The following METTL21C variants were observed in gnomAD, a reference collection of about 807,000 sequenced individuals.
METTL21C encodes the protein protein-lysine methyltransferase METTL21C.
METTL21C carries 21 observed loss-of-function variants against 25.9 expected under a neutral mutation model. That is an observed-to-expected ratio of 0.81 (90% CI 0.58 to 1.17). The LOEUF is 1.17. Among genes scored for constraint, METTL21C ranks in the 50% most tolerant of loss-of-function variants. The probability of loss-of-function intolerance (pLI) is 0.00; values close to 1 mark genes in which losing one functional copy is unlikely to be tolerated. For missense variants in METTL21C, 312 were observed against 315.1 expected (o/e 0.99, Z 0.07); for synonymous variants, 125 against 124.7 (o/e 1.00, Z -0.01).
chr13:102,688,909 C>G (rs1354048037), intron 2 of METTL21C, among the ~76,000 whole-genome samples: 6 of 152,114 alleles, frequency 3.9e-5, no homozygotes, highest in African/African-American at 1.2e-4. Flanking sequence ...CTGAAGAGAT[C>G]TTTTCACAGA....
intron 2 of METTL21C, among the ~76,000 whole-genome samples, chr13:102,689,911 C>A (rs1329624467): frequency 6.6e-6 from 1 of 152,218 alleles, no homozygotes; most frequent in South Asian, 2.1e-4. Flanking sequence ...GTAGACATTA[C>A]GACCACCCTA....
upstream of METTL21C, among the ~76,000 whole-genome samples, chr13:102,695,980 A>T (rs1287978853): frequency 6.6e-6 from 1 of 152,248 alleles, no homozygotes; most frequent in Non-Finnish European, 1.5e-5. Context: ...TCATTCTACA[A>T]GCTTTAAAAT....
In METTL21C at chr13:102,686,145, G is replaced by C. The variant is rs1293501117; in HGVS notation, c.681C>G (p.Phe227Leu). ...TATCTAAAAATTCATAGTCGGTGCT[G>C]AACCTGAATTTGTTTGCCCAAAGCA... ...TVLLWANKFR[F>L]STDYEFLDKF... Residue 227 changes from phenylalanine (F) to leucine (L), a missense_variant, in exon 4 of 4, where the codon TTC (phenylalanine) becomes TTG (leucine). Transcript: ENST00000267273. 4.3e-6 allele frequency: 7 copies of C among 1,614,104 alleles called. No homozygotes were observed. The East Asian group carries it at 1.6e-4, about 36-fold the overall frequency.
At chr13:102,692,451 G>C (rs1885855841) in intron 1 of METTL21C, among the ~76,000 whole-genome samples, 1 of 152,134 alleles carries the variant, frequency 6.6e-6, no homozygotes, top group Admixed American at 6.5e-5. Flanking sequence ...GATGCCTGTT[G>C]AATCTAACTA....
intron 2 of METTL21C, among the ~76,000 whole-genome samples, chr13:102,687,731 C>T (rs1233444227): frequency 1.3e-5 from 2 of 152,198 alleles, no homozygotes; most frequent in Non-Finnish European, 2.9e-5. Context: ...TAAACAAGCC[C>T]TGACATGATG....
upstream of METTL21C, among the ~76,000 whole-genome samples, chr13:102,697,878 G>C (rs1180344562): frequency 1.3e-5 from 2 of 152,190 alleles, no homozygotes; most frequent in Non-Finnish European, 2.9e-5. Flanking sequence ...ACCCCATGGG[G>C]AGACACTGGG....
At chr13:102,688,010 G>A (rs1000994477) in intron 2 of METTL21C, among the ~76,000 whole-genome samples, 2 of 152,160 alleles carry the variant, frequency 1.3e-5, no homozygotes, top group Admixed American at 6.5e-5. Flanking sequence ...GAAGAGTTAT[G>A]AGAAGAAATG....
intron 1 of METTL21C, 142 bp from the exon 2 acceptor site, chr13:102,691,106 G>T: frequency 2.2e-6 from 2 of 889,618 alleles, no homozygotes; most frequent in Non-Finnish European, 3.4e-6. Flanking sequence ...GAGAACGGCT[G>T]CAAATTGGCA....
rs899526463 is a variant in METTL21C, at chr13:102,690,803, G to A, written c.282+10C>T. The A allele has an allele frequency of 2.5e-6, 4 of 1,611,942 alleles. No homozygotes were observed. The highest frequency in any genetic ancestry group is 3.4e-6 in the Non-Finnish European group (4 of 1,179,336). The stretch of plus-strand genomic sequence containing the variant: ...AAATCCTGACATCACAAATATGACA[G>A]TTCTCTCACCCCTGGCCACACCACC... On this transcript the variant is annotated intron_variant, in intron 2 of 3. Coordinates refer to ENST00000267273, the MANE Select transcript of METTL21C (RefSeq NM_001010977.3).
chr13:102,698,596 G>A (rs771348318), upstream of METTL21C, among the ~76,000 whole-genome samples: 2 of 151,972 alleles, frequency 1.3e-5, no homozygotes, highest in East Asian at 1.9e-4. Flanking sequence ...AAGCACACAG[G>A]CTCCACATCC....
upstream of METTL21C, among the ~76,000 whole-genome samples, chr13:102,699,407 C>T (rs1303218152): frequency 6.6e-6 from 1 of 152,162 alleles, no homozygotes; most frequent in African/African-American, 2.4e-5. Flanking sequence ...ACTTGATTGG[C>T]TGTTTCACCA....
the METTL21C span, among the ~76,000 whole-genome samples, chr13:102,700,330 A>C: frequency 2.6e-5 from 4 of 152,144 alleles, no homozygotes; most frequent in Non-Finnish European, 5.9e-5. Flanking sequence ...ACTTATATGC[A>C]CTTTGGAGAA....
At chr13:102,686,818 G>T in intron 3 of METTL21C, 122 bp downstream of exon 3, 1 of 719,596 alleles carries the variant, frequency 1.4e-6, no homozygotes, top group East Asian at 2.6e-5. Context: ...ATGACATTTT[G>T]GGGAGAGTCA....
At position 102,690,967 on chromosome 13, in the gene METTL21C, G is replaced by A. The variant is rs763758155; in HGVS notation, c.131-3C>T. ...AGATGGTTCTATCTTGTTGGATTCT[G>A]TGAAGCAGAAAAATAAAATGGAGTT... is the stretch of plus-strand genomic sequence containing the variant. On this transcript the variant is annotated splice_region_variant and splice_polypyrimidine_tract_variant and intron_variant, in intron 1 of 3. Transcript: ENST00000267273. The A allele has an allele frequency of 5.6e-6, 9 of 1,612,942 alleles. No homozygotes were observed. The Admixed American group carries it at 6.7e-5, about 12-fold the overall frequency.
the METTL21C span, among the ~76,000 whole-genome samples, chr13:102,703,214 C>T: frequency 5.3e-5 from 8 of 152,180 alleles, no homozygotes; most frequent in African/African-American, 1.7e-4. Flanking sequence ...TAGAGCTTCA[C>T]GTGCTGCCCT....
At chr13:102,688,067 C>T (rs930280061) in intron 2 of METTL21C, among the ~76,000 whole-genome samples, 25 of 152,260 alleles carry the variant, frequency 1.6e-4, no homozygotes, top group South Asian at 1.2e-3. Context: ...GCGTGAGGAA[C>T]GTGAACACTG....
chr13:102,689,478 G>T (rs190005436), intron 2 of METTL21C, among the ~76,000 whole-genome samples: 3 of 152,180 alleles, frequency 2.0e-5, no homozygotes, highest in Non-Finnish European at 4.4e-5. Flanking sequence ...CTGTGCCATC[G>T]CCAGATGACC....
chr13:102,691,025 C>T, intron 1 of METTL21C, 61 bp from the exon 2 acceptor site: 5 of 1,565,442 alleles, frequency 3.2e-6, no homozygotes, highest in Non-Finnish European at 4.4e-6. Context: ...CAAAGACACA[C>T]TTGGTATAAT....
upstream of METTL21C, among the ~76,000 whole-genome samples, chr13:102,696,003 G>T (rs1037471581): frequency 1.3e-5 from 2 of 151,664 alleles, no homozygotes; most frequent in African/African-American, 4.8e-5. Flanking sequence ...AGCAAAGGAC[G>T]AAGGAAAAAA....
Sources: gnomAD v4.1 joint callset for allele counts (sites outside exome capture counted in the v4.1 genomes callset) on GRCh38, gnomAD v4.1.1 for gene constraint, MANE v1.5 for transcripts, NCBI Gene and HGNC (gene_info 2026-07-23, HGNC 2026-07-21) for gene names.